Variants in PATZ1 observed in about 807,000 individuals in gnomAD.
The protein encoded by PATZ1 is POZ/BTB and AT hook containing zinc finger 1.
A neutral mutation model predicts 46.2 loss-of-function variants in PATZ1; 9 were observed. That is an observed-to-expected ratio of 0.19 (90% confidence interval 0.12 to 0.34). The LOEUF is 0.34. Ranked by LOEUF, PATZ1 falls within the 10% of genes least tolerant of loss-of-function variation. The pLI, the probability that PATZ1 is intolerant of heterozygous loss-of-function variation, is 1.00. For missense variants in PATZ1, 632 were observed against 923.0 expected (o/e 0.68, Z 4.08); for synonymous variants, 426 against 378.6 (o/e 1.13, Z -1.45).
rs1569023148 is a variant in PATZ1, at chr22:31,328,076, C to T, written c.1645+711G>A. 2.0e-5 allele frequency among the ~76,000 whole-genome samples: 3 copies of T among 152,254 alleles called. No homozygotes were observed. The highest frequency in any genetic ancestry group is 3.4e-3 in the Middle Eastern group (1 of 294). ...CCTGCCTGGGTCCAGAGAGCCATGC[C>T]GGGAAGGGAGGTCTGTGATGGGAGC... On this transcript the variant is annotated intron_variant, in intron 4 of 4. Transcript: ENST00000266269. This position sits in a 1 kb window ranked among gnomAD's most constrained non-coding sequence, Gnocchi z 4.8.
Position 31,345,701 on chromosome 22 carries a change from C to T in PATZ1, c.-99G>A, listed in dbSNP as rs886996020. On this transcript the variant is annotated 5_prime_UTR_variant, in exon 1 of 5. Coordinates refer to ENST00000266269, the MANE Select transcript of PATZ1 (RefSeq NM_014323.3). This position sits in a 1 kb window ranked among gnomAD's most constrained non-coding sequence, Gnocchi z 7.4. The stretch of plus-strand genomic sequence containing the variant: ...GGGGCGCAGCAGACGTGTCCACACT[C>T]CCCACACGTGCCGGCCCGAGGCTCT... 7.4e-5 allele frequency: 89 copies of T among 1,209,044 alleles called. No individual in the cohort carries two copies. The highest frequency in any genetic ancestry group is 2.9e-4 in the Middle Eastern group (1 of 3,486). The allele number at this position is 1,209,044 out of a possible 1,614,324, so 74.9% of individuals were successfully genotyped here.
intron 2 of PATZ1, among the ~76,000 whole-genome samples, chr22:31,338,181 T>C (rs2049535595): frequency 6.6e-6 from 1 of 152,146 alleles, no homozygotes; most frequent in Non-Finnish European, 1.5e-5. Context: ...GCCAGTACTT[T>C]ACCAATCCTC....
chr22:31,346,225 G>A lies in PATZ1; in HGVS notation c.-623C>T. 6.5e-6 allele frequency: 1 copy of A among 154,200 alleles called. No homozygotes were observed. The highest frequency in any genetic ancestry group is 1.4e-5 in the Non-Finnish European group (1 of 71,268). The allele number at this position is 154,200 out of a possible 1,614,324, so 9.6% of individuals were successfully genotyped here. A position where few individuals can be genotyped will look rare whatever the true frequency, so the allele number is the denominator to read the frequency against. On this transcript the variant is annotated 5_prime_UTR_variant, in exon 1 of 5. Transcript: ENST00000266269. ...GAGGGCGGTGGCGGCGGCGGCGGCG[G>A]CTGGAGCGGGCGGGCGGCGGCGGCG...
Position 31,344,707 on chromosome 22 carries a change from TTACCACATA to T in PATZ1, c.887_895del (p.Leu296_Lys299delinsGln). 1 of 1,613,510 alleles carries T rather than the reference TTACCACATA, an allele frequency of 6.2e-7. No homozygotes were observed. Among genetic ancestry groups the T allele is most frequent in the Middle Eastern group, 1.7e-4 (1 of 6,060 alleles). On this transcript the variant is annotated inframe_deletion, in exon 1 of 5. Coordinates refer to ENST00000266269, the MANE Select transcript of PATZ1 (RefSeq NM_014323.3). ...GAGCCGGTTGGCATCAGTGAACACCTTACCACATAGACCGCATGGAAGGATGCCTGCCTC... is the reference window on the plus strand; with the variant it reads ...GAGCCGGTTGGCATCAGTGAACACCTGACCGCATGGAAGGATGCCTGCCTC...
In PATZ1 at chr22:31,346,026, GGCGC is replaced by G. The variant is rs531925519; in HGVS notation, c.-428_-425del. 5.7e-6 allele frequency: 1 copy of G among 174,014 alleles called. No homozygotes were observed. 10.8% of individuals were successfully genotyped at this position (174,014 alleles called of 1,614,324 possible). ...AGGAGAAGGAGGGGTCCGCCGCGCAGGCGCGCGCGCGCGCCGCGGCTTTTCCCGG... is the reference window on the plus strand; with the variant it reads ...AGGAGAAGGAGGGGTCCGCCGCGCAGGCGCGCGCGCCGCGGCTTTTCCCGG... On this transcript the variant is annotated 5_prime_UTR_variant, in exon 1 of 5. Coordinates refer to ENST00000266269, the MANE Select transcript of PATZ1 (RefSeq NM_014323.3).
intron 2 of PATZ1, chr22:31,340,727 C>T: frequency 5.7e-6 from 6 of 1,047,058 alleles, no homozygotes; most frequent in Middle Eastern, 4.4e-4. Flanking sequence ...GCAGAGTCTG[C>T]GGAGTGCTAA....
At chr22:31,340,053 G>C (rs2049561256) in intron 2 of PATZ1, among the ~76,000 whole-genome samples, 1 of 152,162 alleles carries the variant, frequency 6.6e-6, no homozygotes, top group Non-Finnish European at 1.5e-5. Context: ...CCCAAGAAGT[G>C]GAGCCCGTGG....
At chr22:31,336,202 G>A (rs1016084086) in intron 2 of PATZ1, among the ~76,000 whole-genome samples, 1 of 152,154 alleles carries the variant, frequency 6.6e-6, no homozygotes, top group Non-Finnish European at 1.5e-5. Context: ...ATTGACTTTA[G>A]GTGCATTAGC....
chr22:31,339,716 G>A (rs544694540), intron 2 of PATZ1, among the ~76,000 whole-genome samples: 1 of 152,336 alleles, frequency 6.6e-6, no homozygotes, highest in East Asian at 1.9e-4. Context: ...ATGCCTGCCA[G>A]GTCCTGGCCC....
At chr22:31,343,618 T>C (rs2049610293) in intron 1 of PATZ1, 1 of 165,416 alleles carries the variant, frequency 6.0e-6, no homozygotes. Context: ...AAAAACAAAA[T>C]CACCCTCTGC....
Position 31,328,776 on chromosome 22 carries a change from G to A in PATZ1, c.1645+11C>T. On this transcript the variant is annotated intron_variant, in intron 4 of 4. Coordinates refer to ENST00000266269, the MANE Select transcript of PATZ1 (RefSeq NM_014323.3). This position sits in a 1 kb window ranked among gnomAD's most constrained non-coding sequence, Gnocchi z 4.8. ...GCAGAGAAGCAAAGTGCAGAGCAAGGGGTCGCTTGCCTTTGTTGCCATAGG... is the reference window on the plus strand; with the variant it reads ...GCAGAGAAGCAAAGTGCAGAGCAAGAGGTCGCTTGCCTTTGTTGCCATAGG... 1 of 1,611,458 alleles carries A rather than the reference G, an allele frequency of 6.2e-7. No individual in the cohort carries two copies. The highest frequency in any genetic ancestry group is 8.5e-7 in the Non-Finnish European group (1 of 1,178,878).
rs904236099 is a variant in PATZ1 at position 31,345,122 on chromosome 22, C to T, written c.481G>A (p.Val161Ile). The change falls in exon 1 of 5, where the codon GTA becomes ATA. Residue 161 changes from valine to isoleucine, a missense_variant. Coordinates refer to ENST00000266269, the MANE Select transcript of PATZ1 (RefSeq NM_014323.3). The surrounding 1 kb of genome is among the most constrained non-coding windows in gnomAD (Gnocchi z 7.4). ...ICQEVIKQSNVQILVPPARAD... is the reference protein window; with the variant it reads ...ICQEVIKQSNIQILVPPARAD... ...CGGGCAGGGGGTACCAGGATCTGTA[C>T]GTTGGACTGTTTGATGACTTCCTGG... The T allele has an allele frequency of 1.3e-5, 21 of 1,614,162 alleles. No individual in the cohort carries two copies. Among genetic ancestry groups the T allele is most frequent in the Non-Finnish European group, 1.7e-5 (20 of 1,180,026 alleles).
rs2049377878 is a variant in PATZ1, at chr22:31,327,110, G to A, written c.1845C>T (p.Arg615=). 6.2e-7 allele frequency: 1 copy of A among 1,614,084 alleles called. No individual in the cohort carries two copies. Among genetic ancestry groups the A allele is most frequent in the Non-Finnish European group, 8.5e-7 (1 of 1,180,004 alleles). ...YPCPECGSFF[R]SKSYLNKHIQ... ...TGTGTTTGTTCAAGTAGGACTTAGA[G>A]CGGAAGAAGCTCCCACATTCAGGGC... Residue 615 remains arginine (R), a synonymous_variant, in exon 5 of 5, where the codon CGC becomes CGT. Coordinates refer to ENST00000266269, the MANE Select transcript of PATZ1 (RefSeq NM_014323.3). This position sits in a 1 kb window ranked among gnomAD's most constrained non-coding sequence, Gnocchi z 4.2.
intron 1 of PATZ1, chr22:31,343,449 C>T: frequency 1.0e-6 from 1 of 986,560 alleles, no homozygotes; most frequent in Non-Finnish European, 1.2e-6. Flanking sequence ...CTTAAGTCCC[C>T]AGCTGGGCTG....
Position 31,326,731 on chromosome 22 carries a change from G to GA in PATZ1, c.*159dup. 1 of 617,288 alleles carries GA rather than the reference G, an allele frequency of 1.6e-6. No individual in the cohort carries two copies. The highest frequency in any genetic ancestry group is 2.8e-6 in the Non-Finnish European group (1 of 352,712). The allele number at this position is 617,288 out of a possible 1,614,324, so 38.2% of individuals were successfully genotyped here. On this transcript the variant is annotated 3_prime_UTR_variant, in exon 5 of 5. Coordinates refer to ENST00000266269, the MANE Select transcript of PATZ1 (RefSeq NM_014323.3). ...AAAATCTATTTCTAAAGACCATTGG[G>GA]AGAATGGGTGGTGGAGAAGGAGTTG...
intron 3 of PATZ1, among the ~76,000 whole-genome samples, chr22:31,332,882 G>A (rs2049460063): frequency 6.6e-6 from 1 of 152,236 alleles, no homozygotes; most frequent in Admixed American, 6.5e-5. Flanking sequence ...CAAAGATCCT[G>A]CTACAGAAAC....
At chr22:31,335,580 G>T in intron 3 of PATZ1, 112 bp downstream of exon 3, 2 of 943,830 alleles carry the variant, frequency 2.1e-6, no homozygotes, top group Middle Eastern at 3.4e-4. Flanking sequence ...TGGGAAGTAG[G>T]GGGTGGCTGT....
intron 3 of PATZ1, among the ~76,000 whole-genome samples, chr22:31,334,210 A>C (rs1413516825): frequency 2.0e-5 from 3 of 152,214 alleles, no homozygotes; most frequent in African/African-American, 7.2e-5. Context: ...GGGAAGCCCC[A>C]GTCAAGACAG....
chr22:31,341,468 A>G, intron 2 of PATZ1: 1 of 1,609,196 alleles, frequency 6.2e-7, no homozygotes, highest in Non-Finnish European at 8.5e-7. Flanking sequence ...CCTGCCTCAG[A>G]TATCCCGGCG....
Sources: gnomAD v4.1 joint callset for allele counts (sites outside exome capture counted in the v4.1 genomes callset) on GRCh38, gnomAD v4.1.1 for gene constraint, Gnocchi (gnomAD v3.1) non-coding constraint, MANE v1.5 for transcripts, NCBI Gene and HGNC (gene_info 2026-07-23, HGNC 2026-07-21) for gene names.